ATP12A: variants seen among roughly 807,000 people sequenced by gnomAD.
The protein encoded by ATP12A is potassium-transporting ATPase alpha chain 2.
ATP12A carries 81 observed loss-of-function variants against 111.2 expected under a neutral mutation model. That is an observed-to-expected ratio of 0.73 (90% CI 0.61 to 0.88). The LOEUF (loss-of-function observed/expected upper bound fraction) is 0.88. Among genes scored for constraint, ATP12A ranks in the 40% least tolerant of loss-of-function variants. ATP12A has a pLI of 0.00. For synonymous variants in ATP12A, 498 were observed against 499.8 expected (o/e 1.00, Z 0.05); for missense variants, 1,196 against 1,313.1 (o/e 0.91, Z 1.38).
In ATP12A at chr13:24,688,257, G is replaced by A; in HGVS notation, c.229-62G>A. On this transcript the variant is annotated intron_variant, in intron 3 of 22. Transcript: ENST00000381946. The stretch of plus-strand genomic sequence containing the variant: ...AAAATATGCAGCCCAACCCCTGAGG[G>A]AGGAGGAATGTCTAATTCGTATTTG... The A allele has an allele frequency of 3.3e-6, 5 of 1,529,688 alleles. No individual in the cohort carries two copies. The South Asian group carries it at 5.1e-5, about 16-fold the overall frequency. The allele number at this position is 1,529,688 out of a possible 1,614,324, so 94.8% of individuals were successfully genotyped here.
At chr13:24,690,514 A>T in intron 6 of ATP12A, 42 bp downstream of exon 6, 1 of 1,609,442 alleles carries the variant, frequency 6.2e-7, no homozygotes, top group Non-Finnish European at 8.5e-7. Flanking sequence ...CATGTTCCAA[A>T]CCTGCTGGCT....
Position 24,692,829 on chromosome 13 carries a change from C to G in ATP12A, c.1310C>G (p.Ser437Cys). ...DQSSRTWASLSKIITLCNRAE... is the reference protein window; with the variant it reads ...DQSSRTWASLCKIITLCNRAE... ...AGCTCTAGGACTTGGGCCTCCTTAT[C>G]CAAGATAATAACATTGTGTAACCGA... is the stretch of plus-strand genomic sequence containing the variant. The change falls in exon 10 of 23, where the codon TCC becomes TGC. Residue 437 changes from serine (S) to cysteine (C), a missense_variant. Physicochemically the swap from Ser to Cys is moderately radical, Grantham distance 112. This residue lies in a region of ATP12A where 1,126 missense variants were observed against 1,228.5 expected (regional missense o/e 0.92). Coordinates refer to ENST00000381946, the MANE Select transcript of ATP12A (RefSeq NM_001676.7). 1 of 1,614,180 alleles carries G rather than the reference C, an allele frequency of 6.2e-7. No homozygotes were observed. The highest frequency in any genetic ancestry group is 8.5e-7 in the Non-Finnish European group (1 of 1,180,038).
At chr13:24,696,852 C>T (rs1875190788) in intron 11 of ATP12A, among the ~76,000 whole-genome samples, 3 of 152,108 alleles carry the variant, frequency 2.0e-5, no homozygotes, top group Admixed American at 2.0e-4. Context: ...CTCAGCCTCA[C>T]CAGGGCTTTA....
chr13:24,707,485 A>C, intron 17 of ATP12A, 52 bp downstream of exon 17: 2 of 1,608,020 alleles, frequency 1.2e-6, no homozygotes, highest in Non-Finnish European at 1.7e-6. Flanking sequence ...GGGGAGGTCA[A>C]GTTCAGGGTC....
At chr13:24,689,936 C>T (rs1476186707) in intron 5 of ATP12A, among the ~76,000 whole-genome samples, 1 of 152,148 alleles carries the variant, frequency 6.6e-6, no homozygotes, top group African/African-American at 2.4e-5. Context: ...GCCTCCCCAG[C>T]CCCACCTTCA....
At chr13:24,697,639 CAAAA>C (rs67009964) in intron 11 of ATP12A, among the ~76,000 whole-genome samples, 15 of 96,820 alleles carry the variant, frequency 1.5e-4, no homozygotes, top group African/African-American at 3.8e-4. Context: ...GACCCCGTCT[CAAAA>C]AAAAAAAAAA....
chr13:24,692,460 C>A lies in ATP12A; in HGVS notation c.1100C>A (p.Ala367Asp). 6.2e-7 allele frequency: 1 copy of A among 1,614,024 alleles called. No individual in the cohort carries two copies. Among genetic ancestry groups the A allele is most frequent in the Non-Finnish European group, 8.5e-7 (1 of 1,180,028 alleles). The change falls in exon 9 of 23, where the codon GCC becomes GAC. Residue 367 changes from alanine to aspartate, a missense_variant. By Grantham distance (126) the Ala-to-Asp change is moderately radical. This residue lies in a region of ATP12A where 1,126 missense variants were observed against 1,228.5 expected (regional missense o/e 0.92). Coordinates refer to ENST00000381946, the MANE Select transcript of ATP12A (RefSeq NM_001676.7). Reference sequence around the variant, plus strand: ...CTGTCGCTGACAGCAAAACGGATGGCCAAGAAGAACTGCCTGGTGAAGAAC... The same window carrying A: ...CTGTCGCTGACAGCAAAACGGATGGACAAGAAGAACTGCCTGGTGAAGAAC... ...VTLSLTAKRM[A>D]KKNCLVKNLE...
At chr13:24,688,585 G>T in intron 4 of ATP12A, 63 bp downstream of exon 4, 1 of 1,435,388 alleles carries the variant, frequency 7.0e-7, no homozygotes, top group African/African-American at 1.4e-5. Flanking sequence ...GGCCTTGGGG[G>T]CACAGCTGGG....
At chr13:24,695,327 G>A (rs1458972688) in intron 11 of ATP12A, among the ~76,000 whole-genome samples, 1 of 152,164 alleles carries the variant, frequency 6.6e-6, no homozygotes, top group African/African-American at 2.4e-5. Flanking sequence ...CCCCTGCTCA[G>A]GTAGAAGACG....
intron 2 of ATP12A, among the ~76,000 whole-genome samples, chr13:24,682,318 G>GGT (rs1201772378): frequency 2.4e-5 from 3 of 127,570 alleles, no homozygotes; most frequent in African/African-American, 3.0e-5. Context: ...TGGTATGTGT[G>GGT]GTGTGTGTGT....
At chr13:24,708,946 A>AAAGAAAGGAAGGAAGG (rs775291322) in intron 17 of ATP12A, among the ~76,000 whole-genome samples, 2,848 of 100,312 alleles carry the variant, frequency 0.028, 91 homozygotes, top group Non-Finnish European at 0.046. Flanking sequence ...AGAAAGAAAG[A>AAAGAAAGGAAGGAAGG]AAGAAAGAAA....
chr13:24,709,333 G>T, intron 17 of ATP12A, 31 bp from the exon 18 acceptor site: 2 of 1,587,678 alleles, frequency 1.3e-6, no homozygotes. Context: ...AACATCCTGG[G>T]GTTAGACCTC....
rs182161272 is a variant in ATP12A at position 24,708,938 on chromosome 13, A to G, written c.2494-426A>G. Among the ~76,000 whole-genome samples, 69 of 123,510 alleles carry G rather than the reference A, an allele frequency of 5.6e-4. 1 individual carries two copies. The highest frequency in any genetic ancestry group is 1.7e-3 in the African/African-American group (58 of 34,738). The allele number at this position is 123,510 out of a possible 152,430, so 81.0% of individuals were successfully genotyped here. A position where few individuals can be genotyped will look rare whatever the true frequency, so the allele number is the denominator to read the frequency against. On this transcript the variant is annotated intron_variant, in intron 17 of 22. Coordinates refer to ENST00000381946, the MANE Select transcript of ATP12A (RefSeq NM_001676.7). ...GAAAGAAAGAAAGAAAGAAAGAAAG[A>G]AAGAAAGAAAGAAAGAAAGAAAGAA...
Position 24,685,888 on chromosome 13 carries a change from G to C in ATP12A, c.228+515G>C, listed in dbSNP as rs1874647552. ...GGCTTGCCGGAAGCTAGTATGTGTG[G>C]AGAGGGGACAGGTGCAGCAGGAATG... is the stretch of plus-strand genomic sequence containing the variant. On this transcript the variant is annotated intron_variant, in intron 3 of 22. Coordinates refer to ENST00000381946, the MANE Select transcript of ATP12A (RefSeq NM_001676.7). This position sits in a 1 kb window ranked among gnomAD's most constrained non-coding sequence, Gnocchi z 5.5. Among the ~76,000 whole-genome samples the C allele has an allele frequency of 6.6e-6, 1 of 152,222 alleles. No homozygotes were observed. Among genetic ancestry groups the C allele is most frequent in the Non-Finnish European group, 1.5e-5 (1 of 68,042 alleles).
chr13:24,685,257 G>A lies in ATP12A; in HGVS notation c.169-57G>A, dbSNP rs949376837. 3.7e-5 allele frequency: 58 copies of A among 1,551,912 alleles called. No homozygotes were observed. The highest frequency in any genetic ancestry group is 4.8e-5 in the Non-Finnish European group (54 of 1,123,658). ...GCTTCCATGGCTGGTCAAAGCTTGG[G>A]GCTTGAGTCTTTTGGAATTATCTAA... On this transcript the variant is annotated intron_variant, in intron 2 of 22. Coordinates refer to ENST00000381946, the MANE Select transcript of ATP12A (RefSeq NM_001676.7). This position sits in a 1 kb window ranked among gnomAD's most constrained non-coding sequence, Gnocchi z 5.5.
Position 24,681,720 on chromosome 13 carries a change from G to A in ATP12A, c.168G>A (p.Leu56=). ...HKEEFQKELH[L]DDHKLSNREL... ...AGGAGTTTCAGAAAGAACTCCATCT[G>A]GTCAGTAGCCTTAAGCCACGGGGTC... is the stretch of plus-strand genomic sequence containing the variant. Residue 56 remains leucine, a splice_region_variant and synonymous_variant, in exon 2 of 23, where the codon CTG becomes CTA. Transcript: ENST00000381946. 1 of 1,614,140 alleles carries A rather than the reference G, an allele frequency of 6.2e-7. No homozygotes were observed. The highest frequency in any genetic ancestry group is 1.1e-5 in the South Asian group (1 of 91,074).
intron 11 of ATP12A, among the ~76,000 whole-genome samples, chr13:24,695,127 G>A (rs1875084870): frequency 6.6e-6 from 1 of 152,238 alleles, no homozygotes; most frequent in African/African-American, 2.4e-5. Flanking sequence ...GAGTCACACA[G>A]CACCCAGTGT....
intron 11 of ATP12A, among the ~76,000 whole-genome samples, chr13:24,696,773 C>T (rs1027504559): frequency 6.8e-6 from 1 of 146,580 alleles, no homozygotes; most frequent in Non-Finnish European, 1.5e-5. Flanking sequence ...TGTGTGAGTT[C>T]CTGCTGAAGA....
intron 15 of ATP12A, among the ~76,000 whole-genome samples, 160 bp from the exon 16 acceptor site, chr13:24,706,863 T>C (rs919397275): frequency 6.6e-6 from 1 of 152,260 alleles, no homozygotes; most frequent in African/African-American, 2.4e-5. Context: ...TTCCTGCTTC[T>C]AAGATTTCTC....
Sources: allele counts gnomAD v4.1 joint callset (sites outside exome capture counted in the v4.1 genomes callset), GRCh38; gene constraint gnomAD v4.1.1; regional missense constraint gnomAD v4.1.1; non-coding constraint Gnocchi (gnomAD v3.1); transcripts MANE v1.5; gene names NCBI Gene and HGNC (gene_info 2026-07-23, HGNC 2026-07-21).